The following ADGRL2 variants were observed in gnomAD, a reference collection of about 807,000 sequenced individuals.
ADGRL2 encodes calcium-independent alpha-latrotoxin receptor 2.
Under a neutral mutation model 157.4 loss-of-function variants are expected in ADGRL2, and 44 were observed. The observed-to-expected ratio is 0.28, with a 90% CI of 0.22 to 0.36. The LOEUF (loss-of-function observed/expected upper bound fraction) is 0.36, where lower values mean the gene tolerates loss of function less well. Ranked by LOEUF, ADGRL2 falls within the 10% of genes least tolerant of loss-of-function variation. The pLI, the probability that ADGRL2 is intolerant of heterozygous loss-of-function variation, is 1.00. For synonymous variants in ADGRL2, 585 were observed against 624.7 expected (o/e 0.94, Z 0.95); for missense variants, 1,510 against 1,768.9 (o/e 0.85, Z 2.63).
intron 1 of ADGRL2, among the ~76,000 whole-genome samples, chr1:81,700,096 C>T (rs1229206464): frequency 2.0e-5 from 3 of 152,206 alleles, no homozygotes; most frequent in Non-Finnish European, 2.9e-5. Context: ...AATGTCAAAG[C>T]AGCTCATCTC....
chr1:81,871,033 C>G (rs1365348058), intron 2 of ADGRL2, among the ~76,000 whole-genome samples: 2 of 149,486 alleles, frequency 1.3e-5, no homozygotes, highest in Non-Finnish European at 3.0e-5. Context: ...TGTGCTGCAC[C>G]CATTACCTCG....
At chr1:81,498,042 T>C (rs1003797173) in intron 2 of ADGRL2, among the ~76,000 whole-genome samples, 2 of 152,024 alleles carry the variant, frequency 1.3e-5, no homozygotes, top group Non-Finnish European at 2.9e-5. Flanking sequence ...TCGTCTCTAC[T>C]AAAATAATAA....
At chr1:81,901,016 G>A (rs1347271190) in intron 2 of ADGRL2, among the ~76,000 whole-genome samples, 1 of 152,086 alleles carries the variant, frequency 6.6e-6, no homozygotes, top group Non-Finnish European at 1.5e-5. Context: ...TACAGCTGAG[G>A]TATTAAAAAG....
intron 1 of ADGRL2, among the ~76,000 whole-genome samples, chr1:81,353,253 C>A (rs1053884669): frequency 3.3e-5 from 5 of 152,128 alleles, no homozygotes; most frequent in Non-Finnish European, 7.3e-5. Flanking sequence ...AGAATCGGAT[C>A]CTTGCTTGAC....
chr1:81,517,761 G>A (rs927077043), intron 2 of ADGRL2, among the ~76,000 whole-genome samples: 1 of 152,166 alleles, frequency 6.6e-6, no homozygotes, highest in Non-Finnish European at 1.5e-5. Context: ...GTTACATTCC[G>A]TCTGCCAAAG....
At chr1:81,824,095 A>T (rs1177026182) in intron 1 of ADGRL2, among the ~76,000 whole-genome samples, 1 of 152,116 alleles carries the variant, frequency 6.6e-6, no homozygotes, top group Non-Finnish European at 1.5e-5. Flanking sequence ...CATTACATAA[A>T]TTCGTGACAT....
At chr1:81,540,726 C>T (rs1200264807) in intron 2 of ADGRL2, among the ~76,000 whole-genome samples, 3 of 152,074 alleles carry the variant, frequency 2.0e-5, no homozygotes, top group Non-Finnish European at 1.5e-5. Context: ...GTAAGAAATT[C>T]AAAGGTATTA....
chr1:81,537,769 G>A (rs376826248), intron 2 of ADGRL2, among the ~76,000 whole-genome samples: 9 of 147,936 alleles, frequency 6.1e-5, no homozygotes, highest in African/African-American at 1.8e-4. Context: ...TCACCATCTC[G>A]GCTCACTGCA....
intron 1 of ADGRL2, among the ~76,000 whole-genome samples, chr1:81,318,471 T>C (rs2100599860): frequency 6.6e-6 from 1 of 152,264 alleles, no homozygotes; most frequent in African/African-American, 2.4e-5. Context: ...ATGGGGGCAA[T>C]ACTGACATCT....
Position 81,943,341 on chromosome 1 carries a change from G to C in ADGRL2, c.782G>C (p.Arg261Thr). 6.2e-7 allele frequency: 1 copy of C among 1,613,522 alleles called. No individual in the cohort carries two copies. Among genetic ancestry groups the C allele is most frequent in the East Asian group, 2.2e-5 (1 of 44,874 alleles). ...AACTACCATGATACCTCACCATACAGATGGGGAGGAAAGACTGATATCGAC... is the reference window on the plus strand; with the variant it reads ...AACTACCATGATACCTCACCATACACATGGGGAGGAAAGACTGATATCGAC... ...YANYHDTSPY[R>T]WGGKTDIDLA... The change falls in exon 6 of 24, where the codon AGA becomes ACA. Residue 261 changes from arginine to threonine, a missense_variant. By Grantham distance (71) the Arg-to-Thr change is moderately conservative. Transcript: ENST00000686636. This position sits in a 1 kb window ranked among gnomAD's most constrained non-coding sequence, Gnocchi z 5.6.
chr1:81,350,668 T>A (rs1662815564), intron 1 of ADGRL2, among the ~76,000 whole-genome samples: 1 of 152,164 alleles, frequency 6.6e-6, no homozygotes, highest in African/African-American at 2.4e-5. Context: ...AGTAGCAAAA[T>A]TTAATGACAA....
At chr1:81,882,393 A>T (rs2094010960) in intron 2 of ADGRL2, among the ~76,000 whole-genome samples, 1 of 152,222 alleles carries the variant, frequency 6.6e-6, no homozygotes, top group Non-Finnish European at 1.5e-5. Flanking sequence ...CTTAAAAACT[A>T]GAGTAAAAAA....
intron 2 of ADGRL2, among the ~76,000 whole-genome samples, chr1:81,785,452 G>C (rs1557649837): frequency 6.6e-6 from 1 of 152,024 alleles, no homozygotes; most frequent in Non-Finnish European, 1.5e-5. Context: ...TTTAGGCCAG[G>C]TGTGATGACC....
chr1:81,595,832 G>C (rs529491450), intron 3 of ADGRL2, among the ~76,000 whole-genome samples: 5 of 152,294 alleles, frequency 3.3e-5, no homozygotes, highest in African/African-American at 1.2e-4. Context: ...GGACTAGGTG[G>C]CTTATAAGCA....
At chr1:81,807,212 A>T (rs190094139) in intron 1 of ADGRL2, among the ~76,000 whole-genome samples, 232 of 152,140 alleles carry the variant, frequency 1.5e-3, no homozygotes, top group African/African-American at 5.5e-3. Flanking sequence ...ATCAGTTCCT[A>T]TGGATTAAAT....
chr1:81,777,465 C>A (rs74226542), intron 2 of ADGRL2, among the ~76,000 whole-genome samples: 1 of 152,166 alleles, frequency 6.6e-6, no homozygotes, highest in African/African-American at 2.4e-5. Context: ...AGAGTTTGTT[C>A]ATCTTTTTGT....
At chr1:81,553,428 A>G (rs983955266) in intron 2 of ADGRL2, among the ~76,000 whole-genome samples, 4 of 152,200 alleles carry the variant, frequency 2.6e-5, no homozygotes, top group Non-Finnish European at 4.4e-5. Flanking sequence ...GAAGAGGTCT[A>G]TAGAAGGCAA....
intron 3 of ADGRL2, among the ~76,000 whole-genome samples, chr1:81,923,800 G>T (rs766084571): frequency 1.3e-5 from 2 of 152,190 alleles, no homozygotes; most frequent in Admixed American, 6.6e-5. Flanking sequence ...ACAACAGAAA[G>T]GTGAAACTAC....
At chr1:81,813,951 TTC>T (rs1327662388) in intron 1 of ADGRL2, among the ~76,000 whole-genome samples, 4 of 151,674 alleles carry the variant, frequency 2.6e-5, no homozygotes. Flanking sequence ...CTAGGGTAAG[TTC>T]TACCTGTTTT....
Sources: gnomAD v4.1 joint callset for allele counts (sites outside exome capture counted in the v4.1 genomes callset) on GRCh38, gnomAD v4.1.1 for gene constraint, Gnocchi (gnomAD v3.1) non-coding constraint, MANE v1.5 for transcripts, NCBI Gene and HGNC (gene_info 2026-07-23, HGNC 2026-07-21) for gene names.